The following PCDH15 variants were observed in gnomAD, a reference collection of about 807,000 sequenced individuals.
PCDH15 encodes the protein protocadherin-15.
In PCDH15, 129 loss-of-function variants were observed where a neutral mutation model predicts 178.5. The observed-to-expected ratio is 0.72, with a 90% CI of 0.63 to 0.84. PCDH15 has a LOEUF of 0.84. PCDH15 is among the 40% of genes least tolerant of loss of function. The pLI, the probability that PCDH15 is intolerant of heterozygous loss-of-function variation, is 0.00. For missense variants in PCDH15, 2,230 were observed against 2,099.9 expected (o/e 1.06, Z -1.21); for synonymous variants, 800 against 732.0 (o/e 1.09, Z -1.50).
intron 2 of PCDH15, among the ~76,000 whole-genome samples, chr10:55,392,588 A>T (rs918070104): frequency 6.6e-6 from 1 of 152,150 alleles, no homozygotes; most frequent in Non-Finnish European, 1.5e-5. Flanking sequence ...ATTTATGTCC[A>T]TCAAAATAAA....
intron 23 of PCDH15, among the ~76,000 whole-genome samples, chr10:53,956,105 G>A (rs548193144): frequency 1.3e-4 from 19 of 151,998 alleles, no homozygotes; most frequent in Admixed American, 2.6e-4. Flanking sequence ...TTAATTATGC[G>A]ATTAGTTGTT....
intron 3 of PCDH15, among the ~76,000 whole-genome samples, chr10:54,511,976 G>T (rs1036252232): frequency 2.0e-5 from 3 of 151,814 alleles, no homozygotes; most frequent in African/African-American, 7.3e-5. Context: ...TTTTATAAAA[G>T]AACTAATACC....
rs756820321 is a variant in PCDH15 at position 53,833,000 on chromosome 10, C to T, written c.3984-1467G>A. On this transcript the variant is annotated intron_variant, in intron 29 of 37. Transcript: ENST00000644397. ...ACTTTTTATAGCAATTTTCCAAGCT[C>T]ATTGTTACACGTTAAAAGAAAATAA... Among the ~76,000 whole-genome samples the T allele has an allele frequency of 7.4e-4, 112 of 151,828 alleles. 1 individual carries two copies. Among genetic ancestry groups the T allele is most frequent in the Non-Finnish European group, 1.4e-3 (94 of 67,860 alleles).
At chr10:54,918,970 C>T (rs1837415596) in intron 2 of PCDH15, among the ~76,000 whole-genome samples, 1 of 151,980 alleles carries the variant, frequency 6.6e-6, no homozygotes, top group Non-Finnish European at 1.5e-5. Flanking sequence ...CTGCAACTTG[C>T]CAGAGTATCA....
rs10763033 is a variant in PCDH15, at chr10:53,972,122, G to A, written c.2869-10230C>T. Reference sequence around the variant, plus strand: ...CCAATGGAACAGAACAGAGCCCTCAGAAATAATACCACACATTTACAACCA... The same window carrying A: ...CCAATGGAACAGAACAGAGCCCTCAAAAATAATACCACACATTTACAACCA... On this transcript the variant is annotated intron_variant, in intron 21 of 37. Coordinates refer to ENST00000644397, the MANE Select transcript of PCDH15 (RefSeq NM_001384140.1). 4.2e-3 allele frequency among the ~76,000 whole-genome samples: 634 copies of A among 151,922 alleles called. 7 individuals are homozygous for A. The highest frequency in any genetic ancestry group is 0.015 in the African/African-American group (620 of 41,412).
At chr10:55,066,732 TCTCTCAAAA>T (rs1841574622) in intron 2 of PCDH15, among the ~76,000 whole-genome samples, 2 of 150,996 alleles carry the variant, frequency 1.3e-5, no homozygotes, top group African/African-American at 4.8e-5. Flanking sequence ...ATTGTTCCTT[TCTCTCAAAA>T]CTATTTTTTT....
chr10:54,727,206 T>C (rs1942678809), intron 1 of PCDH15, among the ~76,000 whole-genome samples: 1 of 146,818 alleles, frequency 6.8e-6, no homozygotes, highest in African/African-American at 2.6e-5. Flanking sequence ...GAAGCAATTC[T>C]CAACAAATTA....
intron 3 of PCDH15, among the ~76,000 whole-genome samples, chr10:54,467,830 T>G (rs908754686): frequency 7.2e-5 from 11 of 151,990 alleles, no homozygotes; most frequent in Admixed American, 6.5e-4. Context: ...TTTTTATTGT[T>G]GATGTAATCT....
At chr10:55,052,885 G>C (rs1011371402) in intron 2 of PCDH15, among the ~76,000 whole-genome samples, 10 of 152,068 alleles carry the variant, frequency 6.6e-5, no homozygotes, top group African/African-American at 2.4e-4. Flanking sequence ...AACCTTAATA[G>C]AAAGAGCATC....
intron 2 of PCDH15, among the ~76,000 whole-genome samples, chr10:54,984,049 AG>A (rs1413601674): frequency 1.3e-5 from 2 of 152,350 alleles, no homozygotes; most frequent in East Asian, 3.9e-4. Context: ...GGGAATTAAA[AG>A]TAAAGGCTTT....
chr10:54,653,402 G>C (rs2094306657), intron 2 of PCDH15, among the ~76,000 whole-genome samples: 3 of 152,258 alleles, frequency 2.0e-5, no homozygotes, highest in Non-Finnish European at 2.9e-5. Context: ...ACAGAGTTTT[G>C]GAGCCAGGAT....
chr10:54,766,555 A>G (rs1948533272), intron 1 of PCDH15, among the ~76,000 whole-genome samples: 1 of 151,584 alleles, frequency 6.6e-6, no homozygotes, highest in East Asian at 1.9e-4. Context: ...AAAAAAAAAA[A>G]GGAGTTCCTT....
chr10:53,972,861 A>G (rs1455246897), intron 21 of PCDH15, among the ~76,000 whole-genome samples: 1 of 152,198 alleles, frequency 6.6e-6, no homozygotes, highest in Non-Finnish European at 1.5e-5. Context: ...AACTAGTTCA[A>G]CCATTGTGGA....
At chr10:54,003,231 T>C (rs2092247697) in intron 20 of PCDH15, among the ~76,000 whole-genome samples, 1 of 151,762 alleles carries the variant, frequency 6.6e-6, no homozygotes, top group South Asian at 2.1e-4. Context: ...GAAGCCAAAA[T>C]TAGTAGAAGA....
At chr10:55,576,908 G>T (rs1156458431) in intron 2 of PCDH15, among the ~76,000 whole-genome samples, 1 of 152,094 alleles carries the variant, frequency 6.6e-6, no homozygotes, top group African/African-American at 2.4e-5. Context: ...TACATGCTTT[G>T]AAGTATAATA....
Position 55,075,366 on chromosome 10 carries a change from A to ATTTTT in PCDH15, c.-80+91205_-80+91209dup, listed in dbSNP as rs34779284. Among the ~76,000 whole-genome samples, 221 of 132,302 alleles carry ATTTTT rather than the reference A, an allele frequency of 1.7e-3. 2 individuals are homozygous for ATTTTT. Among genetic ancestry groups the ATTTTT allele is most frequent in the African/African-American group, 6.0e-3 (210 of 35,276 alleles). The allele number at this position is 132,302 out of a possible 152,430, so 86.8% of individuals were successfully genotyped here. ...ATAACAGATTATCAATTTTGTTTAAATTTTTTTTTTTTTTTTTTGAGATGG... is the reference window on the plus strand; with the variant it reads ...ATAACAGATTATCAATTTTGTTTAAATTTTTTTTTTTTTTTTTTTTTTTGAGATGG... On this transcript the variant is annotated intron_variant, in intron 2 of 5. Transcript: ENST00000458638.
At chr10:54,695,546 T>A (rs1030414815) in intron 1 of PCDH15, among the ~76,000 whole-genome samples, 1 of 152,138 alleles carries the variant, frequency 6.6e-6, no homozygotes, top group Non-Finnish European at 1.5e-5. Context: ...AACAAGAGAT[T>A]TTTAATATAG....
intron 2 of PCDH15, among the ~76,000 whole-genome samples, chr10:55,049,643 G>C (rs994808213): frequency 6.6e-6 from 1 of 151,874 alleles, no homozygotes; most frequent in African/African-American, 2.4e-5. Flanking sequence ...CATACTATAG[G>C]TAATAACATA....
At chr10:55,117,816 G>C (rs536580652) in intron 2 of PCDH15, among the ~76,000 whole-genome samples, 1 of 152,214 alleles carries the variant, frequency 6.6e-6, no homozygotes, top group Admixed American at 6.5e-5. Flanking sequence ...GCTCTACAGA[G>C]GTCAATTTTG....
Sources: allele counts gnomAD v4.1 joint callset (sites outside exome capture counted in the v4.1 genomes callset), GRCh38; gene constraint gnomAD v4.1.1; transcripts MANE v1.5; gene names NCBI Gene and HGNC (gene_info 2026-07-23, HGNC 2026-07-21).